The following MARK2 variants were observed in gnomAD, a reference collection of about 807,000 sequenced individuals.
The protein encoded by MARK2 is microtubule affinity regulating kinase 2.
In MARK2, 16 loss-of-function variants were observed where a neutral mutation model predicts 89.8. The ratio of observed to expected loss-of-function variants is 0.18; its 90% confidence interval spans 0.12 to 0.27. The LOEUF (loss-of-function observed/expected upper bound fraction) is 0.27. MARK2 is among the 10% of genes least tolerant of loss of function. The pLI is 1.00. For synonymous variants in MARK2, 382 were observed against 399.5 expected (o/e 0.96, Z 0.52); for missense variants, 621 against 1,049.9 (o/e 0.59, Z 5.65).
At chr11:63,891,904 C>T (rs1746623440) in intron 1 of MARK2, among the ~76,000 whole-genome samples, 1 of 152,138 alleles carries the variant, frequency 6.6e-6, no homozygotes. Flanking sequence ...GAGGCTGGCC[C>T]AATCAGGTGC....
chr11:63,856,768 G>GGTTT lies in MARK2; in HGVS notation c.54+17208_54+17209insGTTT, dbSNP rs1565100741. ...TTTTTTCCATTTTTAAATTTTTCAT[G>GGTTT]TTTTTTTTTTTTTTTTTTTTTTTTT... On this transcript the variant is annotated intron_variant, in intron 1 of 18. Coordinates refer to ENST00000402010, the MANE Select transcript of MARK2 (RefSeq NM_001039469.3). 1.1e-4 allele frequency among the ~76,000 whole-genome samples: 6 copies of GGTTT among 53,808 alleles called. No individual in the cohort carries two copies. The East Asian group carries it at 2.0e-3, about 18-fold the overall frequency. 35.3% of individuals were successfully genotyped at this position (53,808 alleles called of 152,430 possible).
intron 1 of MARK2, among the ~76,000 whole-genome samples, chr11:63,867,913 C>T (rs1038258054): frequency 6.6e-6 from 1 of 152,076 alleles, no homozygotes; most frequent in African/African-American, 2.4e-5. Flanking sequence ...AACTTCAGTT[C>T]GTGGATTTGG....
chr11:63,907,919 C>T (rs1383712953), intron 17 of MARK2, among the ~76,000 whole-genome samples: 1 of 152,274 alleles, frequency 6.6e-6, no homozygotes, highest in African/African-American at 2.4e-5. Context: ...GGGGAGCAGC[C>T]TCGTGCCGGG....
intron 1 of MARK2, among the ~76,000 whole-genome samples, chr11:63,875,656 C>T (rs1196853288): frequency 1.3e-5 from 2 of 152,188 alleles, no homozygotes; most frequent in African/African-American, 2.4e-5. Flanking sequence ...TTCAGGAAAC[C>T]GCCCTTGAGA....
chr11:63,908,737 C>T, intron 18 of MARK2, 140 bp from the exon 19 acceptor site: 2 of 811,374 alleles, frequency 2.5e-6, no homozygotes, highest in Non-Finnish European at 3.6e-6. Flanking sequence ...CCCTCCGCCC[C>T]CGCAGGCCAG....
intron 1 of MARK2, among the ~76,000 whole-genome samples, chr11:63,851,726 C>T (rs944625347): frequency 6.6e-6 from 1 of 152,024 alleles, no homozygotes; most frequent in Non-Finnish European, 1.5e-5. Flanking sequence ...TCTCTCATTC[C>T]TCTGATTTCT....
intron 1 of MARK2, among the ~76,000 whole-genome samples, chr11:63,841,880 C>T (rs1265362698): frequency 6.6e-6 from 1 of 152,338 alleles, no homozygotes; most frequent in East Asian, 1.9e-4. Flanking sequence ...GCCTAGCATA[C>T]TGCTGAGCAT....
In MARK2 at chr11:63,892,971, C is replaced by T. The variant is rs573837635; in HGVS notation, c.55-2188C>T. On this transcript the variant is annotated intron_variant, in intron 1 of 18. Coordinates refer to ENST00000402010, the MANE Select transcript of MARK2 (RefSeq NM_001039469.3). ...TTGCCCAGGCTGGAGTGCAGTGGTG[C>T]GATCTCAGCTCACTGTAACCTCCTC... is the stretch of plus-strand genomic sequence containing the variant. Among the ~76,000 whole-genome samples the T allele has an allele frequency of 4.2e-5, 6 of 141,948 alleles. No individual in the cohort carries two copies. The South Asian group carries it at 9.0e-4, about 21-fold the overall frequency. 93.1% of individuals were successfully genotyped at this position (141,948 alleles called of 152,430 possible).
At chr11:63,861,217 C>T (rs1565104392) in intron 1 of MARK2, among the ~76,000 whole-genome samples, 1 of 152,080 alleles carries the variant, frequency 6.6e-6, no homozygotes, top group African/African-American at 2.4e-5. Context: ...GGGCGGATCA[C>T]GAGGTCAGGA....
chr11:63,848,472 G>A (rs1466239634), intron 1 of MARK2, among the ~76,000 whole-genome samples: 3 of 151,790 alleles, frequency 2.0e-5, no homozygotes, highest in Admixed American at 6.6e-5. Flanking sequence ...TGCAACCTCC[G>A]CTTCCCAGGT....
intron 1 of MARK2, among the ~76,000 whole-genome samples, chr11:63,880,800 T>C (rs1429745555): frequency 2.6e-5 from 4 of 152,192 alleles, no homozygotes; most frequent in African/African-American, 9.7e-5. Context: ...TCACTCACTT[T>C]TCATCCATCA....
At chr11:63,870,101 A>T (rs570251469) in intron 1 of MARK2, among the ~76,000 whole-genome samples, 1 of 152,314 alleles carries the variant, frequency 6.6e-6, no homozygotes, top group East Asian at 1.9e-4. Flanking sequence ...TGCAGCCCTC[A>T]ACGGCAGAAG....
chr11:63,874,813 C>T (rs572151745), intron 1 of MARK2, among the ~76,000 whole-genome samples: 29 of 152,262 alleles, frequency 1.9e-4, no homozygotes, highest in African/African-American at 7.0e-4. Flanking sequence ...GTAGAGCTGT[C>T]AGGGTAGAGT....
Position 63,902,351 on chromosome 11 carries a change from T to A in MARK2, c.1234+21T>A, listed in dbSNP as rs943600317. ...CCAGGGTAAATGCTTTTGGGAGTTGTAGGTGGGGACTCACCCCTCTCCAGA... is the reference window on the plus strand; with the variant it reads ...CCAGGGTAAATGCTTTTGGGAGTTGAAGGTGGGGACTCACCCCTCTCCAGA... On this transcript the variant is annotated intron_variant, in intron 12 of 18. Coordinates refer to ENST00000402010, the MANE Select transcript of MARK2 (RefSeq NM_001039469.3). The surrounding 1 kb of genome is among the most constrained non-coding windows in gnomAD (Gnocchi z 4.2). 2.5e-5 allele frequency: 40 copies of A among 1,613,536 alleles called. 1 individual carries two copies. The highest frequency in any genetic ancestry group is 1.6e-4 in the Middle Eastern group (1 of 6,080).
chr11:63,869,148 G>A (rs532775040), intron 1 of MARK2: 6 of 296,350 alleles, frequency 2.0e-5, no homozygotes, highest in Admixed American at 1.3e-4. Context: ...CCAGCTGTGT[G>A]GGGTGGTGGA....
Position 63,839,392 on chromosome 11 carries a change from G to T in MARK2, c.-115G>T, listed in dbSNP as rs900692767. 4.7e-6 allele frequency: 3 copies of T among 632,942 alleles called. No homozygotes were observed. The highest frequency in any genetic ancestry group is 5.5e-6 in the Non-Finnish European group (2 of 363,208). The allele number at this position is 632,942 out of a possible 1,614,324, so 39.2% of individuals were successfully genotyped here. ...CCCGGCCTCCCCGCACCCCCGGCCG[G>T]GGCCCATGCGGCGGGTGCTCCTGCT... On this transcript the variant is annotated 5_prime_UTR_variant, in exon 1 of 19. Coordinates refer to ENST00000402010, the MANE Select transcript of MARK2 (RefSeq NM_001039469.3).
At position 63,910,166 on chromosome 11, in the gene MARK2, C is replaced by T. The variant is rs1941660971; in HGVS notation, c.*929C>T. 6.6e-6 allele frequency: 1 copy of T among 152,392 alleles called. No individual in the cohort carries two copies. The highest frequency in any genetic ancestry group is 6.5e-5 in the Admixed American group (1 of 15,288). The allele number at this position is 152,392 out of a possible 1,614,324, so 9.4% of individuals were successfully genotyped here. A position where few individuals can be genotyped will look rare whatever the true frequency, so the allele number is the denominator to read the frequency against. On this transcript the variant is annotated 3_prime_UTR_variant, in exon 19 of 19. Coordinates refer to ENST00000402010, the MANE Select transcript of MARK2 (RefSeq NM_001039469.3). ...TGGTCTCCAGAGCAGGGCCACTGGGCACTCTGTGATGGGGGAGCCTTTGTC... is the reference window on the plus strand; with the variant it reads ...TGGTCTCCAGAGCAGGGCCACTGGGTACTCTGTGATGGGGGAGCCTTTGTC...
chr11:63,897,858 G>A lies in MARK2; in HGVS notation c.289-374G>A, dbSNP rs192118349. On this transcript the variant is annotated intron_variant, in intron 3 of 18. Transcript: ENST00000402010. Reference sequence around the variant, plus strand: ...CCCTTTACACAGACCAAGCTGGGGTGTGTACTGTCACTGAACCAAGGCAGC... The same window carrying A: ...CCCTTTACACAGACCAAGCTGGGGTATGTACTGTCACTGAACCAAGGCAGC... Among the ~76,000 whole-genome samples the A allele has an allele frequency of 1.4e-3, 220 of 152,286 alleles. 1 individual carries two copies. The highest frequency in any genetic ancestry group is 5.0e-3 in the African/African-American group (207 of 41,546).
At chr11:63,855,140 G>T (rs1267538511) in intron 1 of MARK2, among the ~76,000 whole-genome samples, 9 of 152,064 alleles carry the variant, frequency 5.9e-5, no homozygotes, top group Non-Finnish European at 1.2e-4. Context: ...TTTTGACATT[G>T]TGTGAAACGT....
Sources: gnomAD v4.1 joint callset for allele counts (sites outside exome capture counted in the v4.1 genomes callset) on GRCh38, gnomAD v4.1.1 for gene constraint, Gnocchi (gnomAD v3.1) non-coding constraint, MANE v1.5 for transcripts, NCBI Gene and HGNC (gene_info 2026-07-23, HGNC 2026-07-21) for gene names.